Variants in ETAA1 observed in about 807,000 individuals in gnomAD.
ETAA1 encodes ewing's tumor-associated antigen 1.
A neutral mutation model predicts 76.8 loss-of-function variants in ETAA1; 49 were observed. The ratio of observed to expected loss-of-function variants is 0.64; its 90% CI spans 0.51 to 0.81. ETAA1 has a LOEUF of 0.81. Among genes scored for constraint, ETAA1 ranks in the 30% least tolerant of loss-of-function variants. The pLI is 0.00. For missense variants in ETAA1, 1,099 were observed against 1,074.0 expected, an observed-to-expected ratio of 1.02 and a Z score of -0.32; for synonymous variants, 373 against 372.2, an observed-to-expected ratio of 1.00 and a Z score of -0.03.
chr2:67,403,691 A>G lies in ETAA1; in HGVS notation c.1009A>G (p.Asn337Asp). ...NETLVIEKLSNKTPRSLSSQV... is the reference protein window; with the variant it reads ...NETLVIEKLSDKTPRSLSSQV... ...AACTCTGGTCATTGAAAAACTGTCA[A>G]ATAAAACCCCACGATCACTTTCTTC... The change falls in exon 5 of 6, where the codon AAT (asparagine) becomes GAT (aspartate). Residue 337 changes from asparagine to aspartate, a missense_variant. Around this residue, in one of 3 missense-constraint regions of ETAA1, gnomAD observed 761 missense variants for 731.9 expected, o/e 1.04. Transcript: ENST00000272342. 8 of 1,613,440 alleles carry G rather than the reference A, an allele frequency of 5.0e-6. No individual in the cohort carries two copies. Among genetic ancestry groups the G allele is most frequent in the Non-Finnish European group, 5.1e-6 (6 of 1,179,484 alleles).
Position 67,404,378 on chromosome 2 carries a change from A to C in ETAA1, c.1696A>C (p.Asn566His). The C allele has an allele frequency of 6.2e-7, 1 of 1,613,326 alleles. No homozygotes were observed. Among genetic ancestry groups the C allele is most frequent in the African/African-American group, 1.3e-5 (1 of 75,014 alleles). ...LGSKTSVSNP[N>H]QTSASKVGSF... is the part of the protein sequence containing the mutation. ...CAGTAAAACCAGTGTTAGTAACCCA[A>C]ATCAGACTAGTGCATCAAAAGTAGG... Residue 566 changes from asparagine (N) to histidine (H), a missense_variant, in exon 5 of 6, where the codon AAT (asparagine) becomes CAT (histidine). Transcript: ENST00000272342.
intron 3 of ETAA1, chr2:67,401,817 A>C (rs183427656): frequency 6.6e-6 from 1 of 152,064 alleles, no homozygotes; most frequent in African/African-American, 2.4e-5. Flanking sequence ...GATTTTCTTG[A>C]GTATTTGCAA....
At chr2:67,402,180 A>C (rs1676074870) in intron 3 of ETAA1, 1 of 151,894 alleles carries the variant, frequency 6.6e-6, no homozygotes, top group Non-Finnish European at 1.5e-5. Flanking sequence ...CAAGTGACTG[A>C]AAGGTACAGC....
Position 67,399,609 on chromosome 2 carries a change from A to C in ETAA1, c.412A>C (p.Asn138His), listed in dbSNP as rs1675997945. The change falls in exon 3 of 6, where the codon AAT becomes CAT. Residue 138 changes from asparagine to histidine, a missense_variant. Asn to His is a moderately conservative substitution (Grantham distance 68). Coordinates refer to ENST00000272342, the MANE Select transcript of ETAA1 (RefSeq NM_019002.4). ...TAGTGATGAGATTTCACATATTGTT[A>C]ATCGTATTGCTCCTCAGGTAAATAT... Reference protein sequence around the residue: ...TDSDEISHIVNRIAPQDEKPT... With the variant: ...TDSDEISHIVHRIAPQDEKPT... The C allele has an allele frequency of 6.2e-7, 1 of 1,607,294 alleles. No individual in the cohort carries two copies. The highest frequency in any genetic ancestry group is 1.1e-5 in the South Asian group (1 of 90,324).
chr2:67,399,361 A>G, intron 2 of ETAA1, 64 bp downstream of exon 2: 1 of 1,446,080 alleles, frequency 6.9e-7, no homozygotes, highest in Non-Finnish European at 9.5e-7. Flanking sequence ...ATTTAACTAG[A>G]ATTCTAGTCA....
intron 3 of ETAA1, 195 bp from the exon 4 acceptor site, chr2:67,402,667 A>T: frequency 3.4e-6 from 1 of 294,378 alleles, no homozygotes; most frequent in African/African-American, 2.2e-5. Flanking sequence ...TAAGTGGATC[A>T]ATTATTGTAG....
In ETAA1 at chr2:67,403,415, C is replaced by G; in HGVS notation, c.733C>G (p.Pro245Ala). Reference sequence around the variant, plus strand: ...GATGTGGTCATTACATAATATAGTTCCCGAAATAGATAATGCTACAAAAAA... The same window carrying G: ...GATGTGGTCATTACATAATATAGTTGCCGAAATAGATAATGCTACAAAAAA... The part of the protein sequence containing the change: ...IQMWSLHNIV[P>A]EIDNATKKPI... Residue 245 changes from proline (P) to alanine (A), a missense_variant, in exon 5 of 6, where the codon CCC (proline) becomes GCC (alanine). Physicochemically the swap from Pro to Ala is conservative, Grantham distance 27. Around this residue, in one of 3 missense-constraint regions of ETAA1, gnomAD observed 761 missense variants for 731.9 expected, o/e 1.04. Coordinates refer to ENST00000272342, the MANE Select transcript of ETAA1 (RefSeq NM_019002.4). 6.2e-7 allele frequency: 1 copy of G among 1,609,548 alleles called. No homozygotes were observed. Among genetic ancestry groups the G allele is most frequent in the East Asian group, 2.2e-5 (1 of 44,824 alleles).
At chr2:67,398,231 G>A (rs1384908553) in intron 1 of ETAA1, among the ~76,000 whole-genome samples, 1 of 148,728 alleles carries the variant, frequency 6.7e-6, no homozygotes, top group Non-Finnish European at 1.5e-5. Flanking sequence ...CTTTTTAAAA[G>A]ACTTCTAGTA....
chr2:67,397,699 T>A (rs766346734), intron 1 of ETAA1, 28 bp downstream of exon 1: 2 of 1,539,978 alleles, frequency 1.3e-6, no homozygotes, highest in Non-Finnish European at 1.7e-6. Context: ...CGGCCTGCCT[T>A]GGCTTCGGCG....
intron 5 of ETAA1, among the ~76,000 whole-genome samples, chr2:67,409,302 C>T (rs1676302664): frequency 6.6e-6 from 1 of 151,918 alleles, no homozygotes; most frequent in South Asian, 2.1e-4. Flanking sequence ...TAAAGTTTCT[C>T]CAAAATGCAT....
At chr2:67,399,466 A>G in intron 2 of ETAA1, 84 bp from the exon 3 acceptor site, 4 of 1,214,406 alleles carry the variant, frequency 3.3e-6, no homozygotes, top group Non-Finnish European at 4.7e-6. Context: ...CACTAAATAA[A>G]ATTACTTTCT....
At chr2:67,406,528 C>CT (rs1167206233) in intron 5 of ETAA1, among the ~76,000 whole-genome samples, 2 of 151,978 alleles carry the variant, frequency 1.3e-5, no homozygotes, top group African/African-American at 2.4e-5. Context: ...ATCTAAGTGA[C>CT]TTTTTTTAAA....
Position 67,410,919 on chromosome 2 carries a change from A to C in ETAA1, c.*881A>C, listed in dbSNP as rs372235763. On this transcript the variant is annotated 3_prime_UTR_variant, in exon 6 of 6. Transcript: ENST00000272342. ...GAGTATTATTTTCTAGTATAAAACA[A>C]AAGATGTAATTAAAAGCACAATAAG... 3 of 152,238 alleles carry C rather than the reference A, an allele frequency of 2.0e-5. No individual in the cohort carries two copies. The highest frequency in any genetic ancestry group is 7.2e-5 in the African/African-American group (3 of 41,572). 9.4% of individuals were successfully genotyped at this position (152,238 alleles called of 1,614,324 possible). A position where few individuals can be genotyped will look rare whatever the true frequency, so the allele number is the denominator to read the frequency against.
rs1295632199 is a variant in ETAA1, at chr2:67,410,976, A to G, written c.*938A>G. 6.6e-6 allele frequency: 1 copy of G among 152,022 alleles called. No individual in the cohort carries two copies. The allele number at this position is 152,022 out of a possible 1,614,324, so 9.4% of individuals were successfully genotyped here. On this transcript the variant is annotated 3_prime_UTR_variant, in exon 6 of 6. Coordinates refer to ENST00000272342, the MANE Select transcript of ETAA1 (RefSeq NM_019002.4). ...TTGATAATAATGCTCATTGTTCCTT[A>G]TTTTGCTTTAAAGAATTAGTCTTTC... is the stretch of plus-strand genomic sequence containing the variant.
At chr2:67,400,259 A>G (rs1045652967) in intron 3 of ETAA1, 1 of 152,190 alleles carries the variant, frequency 6.6e-6, no homozygotes, top group Non-Finnish European at 1.5e-5. Flanking sequence ...TTTGTAAACT[A>G]TAGAGTGCTA....
In ETAA1 at chr2:67,405,003, C is replaced by A; in HGVS notation, c.2321C>A (p.Ser774Ter). The change falls in exon 5 of 6, where the codon TCA becomes TAA. Residue 774 changes from serine to a stop codon, truncating the protein, a stop_gained. Coordinates refer to ENST00000272342, the MANE Select transcript of ETAA1 (RefSeq NM_019002.4). LOFTEE classifies it high-confidence loss of function. ...NSSKLVLPGSSSLNVTSDHMN... is the reference protein window; with the variant it reads ...NSSKLVLPGS ...TCCAAATTGGTTCTTCCAGGAAGTT[C>A]AAGTTTGAATGTAACTTCAGATCAT... is the stretch of plus-strand genomic sequence containing the variant. The A allele has an allele frequency of 6.2e-7, 1 of 1,611,826 alleles. No homozygotes were observed. Among genetic ancestry groups the A allele is most frequent in the South Asian group, 1.1e-5 (1 of 90,894 alleles).
intron 1 of ETAA1, among the ~76,000 whole-genome samples, chr2:67,398,570 T>G (rs1675964538): frequency 6.6e-6 from 1 of 152,028 alleles, no homozygotes; most frequent in Admixed American, 6.6e-5. Flanking sequence ...TTTCCTGACC[T>G]CGTGATCCAC....
Position 67,404,971 on chromosome 2 carries a change from G to A in ETAA1, c.2289G>A (p.Val763=), listed in dbSNP as rs573064171. ...SYTNTDVPIQ[V]NSSKLVLPGS... ...CTAACACTGATGTTCCAATACAAGTGAATAGTTCCAAATTGGTTCTTCCAG... is the reference window on the plus strand; with the variant it reads ...CTAACACTGATGTTCCAATACAAGTAAATAGTTCCAAATTGGTTCTTCCAG... The change falls in exon 5 of 6, where the codon GTG becomes GTA. Residue 763 remains valine, a synonymous_variant. Coordinates refer to ENST00000272342, the MANE Select transcript of ETAA1 (RefSeq NM_019002.4). The A allele has an allele frequency of 6.2e-7, 1 of 1,612,770 alleles. No homozygotes were observed. The highest frequency in any genetic ancestry group is 8.5e-7 in the Non-Finnish European group (1 of 1,179,284).
At chr2:67,399,785 C>T (rs1676001987) in intron 3 of ETAA1, among the ~76,000 whole-genome samples, 159 bp downstream of exon 3, 1 of 151,930 alleles carries the variant, frequency 6.6e-6, no homozygotes, top group Non-Finnish European at 1.5e-5. Flanking sequence ...TTTTGAAATA[C>T]ATATTTTGAA....
Sources: gnomAD v4.1 joint callset for allele counts (sites outside exome capture counted in the v4.1 genomes callset) on GRCh38, gnomAD v4.1.1 for gene constraint, gnomAD v4.1.1 regional missense constraint, MANE v1.5 for transcripts, NCBI Gene and HGNC (gene_info 2026-07-23, HGNC 2026-07-21) for gene names.